The following SLC16A12 variants were observed in gnomAD, a reference collection of about 807,000 sequenced individuals.
SLC16A12 encodes the protein solute carrier family 16 member 12.
Under a neutral mutation model 42.4 loss-of-function variants are expected in SLC16A12, and 17 were observed. That is an observed-to-expected ratio of 0.40 (90% CI 0.27 to 0.60). The LOEUF (loss-of-function observed/expected upper bound fraction) is 0.60. SLC16A12 is among the 20% of genes least tolerant of loss of function. The probability of loss-of-function intolerance (pLI) is 0.42; values close to 1 mark genes in which losing one functional copy is unlikely to be tolerated. For synonymous variants in SLC16A12, 224 were observed against 229.4 expected (o/e 0.98, Z 0.21); for missense variants, 544 against 623.0 (o/e 0.87, Z 1.35).
rs564306331 is a variant in SLC16A12, at chr10:89,528,869, G to A, written c.-47+5632C>T. ...TTTTCCTTCCTCAGGTGATTCTAAT[G>A]TGTAGGTGGGGTTGAGAACCATTGA... On this transcript the variant is annotated intron_variant, in intron 2 of 7. Coordinates refer to ENST00000371790, the MANE Select transcript of SLC16A12 (RefSeq NM_213606.4). Among the ~76,000 whole-genome samples the A allele has an allele frequency of 5.9e-5, 9 of 152,302 alleles. No homozygotes were observed. The East Asian group carries it at 1.7e-3, about 29-fold the overall frequency.
chr10:89,466,952 A>G (rs304429), intron 2 of SLC16A12, among the ~76,000 whole-genome samples: 34,855 of 152,062 alleles, frequency 0.23, 4,712 homozygotes, highest in Non-Finnish European at 0.32. Context: ...CTTTCTCTCA[A>G]TTCCAATAGA....
At chr10:89,455,733 G>A (rs1484697564) in intron 3 of SLC16A12, among the ~76,000 whole-genome samples, 1 of 152,176 alleles carries the variant, frequency 6.6e-6, no homozygotes, top group Non-Finnish European at 1.5e-5. Flanking sequence ...TTACAGTGAA[G>A]CAGGGTCCTG....
At chr10:89,516,132 AGTT>A (rs1423483144) in intron 2 of SLC16A12, among the ~76,000 whole-genome samples, 50 of 152,282 alleles carry the variant, frequency 3.3e-4, no homozygotes, top group African/African-American at 1.2e-3. Flanking sequence ...TACTCTTATT[AGTT>A]ATTTGTTTTC....
At chr10:89,480,160 C>T (rs938855880) in intron 2 of SLC16A12, among the ~76,000 whole-genome samples, 5 of 152,196 alleles carry the variant, frequency 3.3e-5, no homozygotes, top group African/African-American at 1.2e-4. Context: ...CCACTCCACC[C>T]TCAGTTATAC....
chr10:89,506,525 T>TTAACAGAAAATTAACAAA (rs1843064032), intron 2 of SLC16A12, among the ~76,000 whole-genome samples: 1 of 151,722 alleles, frequency 6.6e-6, no homozygotes, highest in African/African-American at 2.4e-5. Context: ...AGGAATAGCA[T>TTAACAGAAAATTAACAAA]CAACATCAAT....
chr10:89,543,586 T>C (rs1289304388), intron 2 of SLC16A12, among the ~76,000 whole-genome samples: 8 of 152,196 alleles, frequency 5.3e-5, no homozygotes, highest in Non-Finnish European at 1.2e-4. Flanking sequence ...CCCAGCACTT[T>C]GGCAGGCCAA....
At chr10:89,458,065 T>C (rs576095845) in intron 3 of SLC16A12, among the ~76,000 whole-genome samples, 13 of 152,306 alleles carry the variant, frequency 8.5e-5, no homozygotes, top group Middle Eastern at 6.8e-3. Context: ...GAGCATAACA[T>C]AGATGTTCTT....
chr10:89,550,771 C>T (rs1843766074), intron 2 of SLC16A12, among the ~76,000 whole-genome samples: 1 of 151,816 alleles, frequency 6.6e-6, no homozygotes, highest in South Asian at 2.1e-4. Context: ...GCTTGCCTTT[C>T]CTCCTGCCTA....
intron 6 of SLC16A12, among the ~76,000 whole-genome samples, chr10:89,436,954 T>C (rs1158628306): frequency 6.7e-6 from 1 of 148,296 alleles, no homozygotes. Flanking sequence ...TGTAAGAAAG[T>C]TTACAAATTT....
At chr10:89,460,134 C>G (rs1842272634) in intron 3 of SLC16A12, among the ~76,000 whole-genome samples, 1 of 152,066 alleles carries the variant, frequency 6.6e-6, no homozygotes. Context: ...CTCAACTACC[C>G]CTAAGATTCC....
intron 2 of SLC16A12, among the ~76,000 whole-genome samples, chr10:89,545,440 T>G (rs1014059073): frequency 5.3e-5 from 8 of 151,350 alleles, no homozygotes; most frequent in African/African-American, 1.9e-4. Context: ...AAGCAGAGAG[T>G]CAAATCATGA....
chr10:89,439,026 G>C lies in SLC16A12; in HGVS notation c.606C>G (p.Ser202=). 1 of 1,614,088 alleles carries C rather than the reference G, an allele frequency of 6.2e-7. No homozygotes were observed. The highest frequency in any genetic ancestry group is 8.5e-7 in the Non-Finnish European group (1 of 1,179,994). The change falls in exon 6 of 8, where the codon TCC becomes TCG. Residue 202 remains serine, a synonymous_variant. Coordinates refer to ENST00000371790, the MANE Select transcript of SLC16A12 (RefSeq NM_213606.4). ...CAAGAATGAGTAAGGCTCCCCGCCA[G>C]GAAAACTGTTCAATAAGGAGCTGAA... ...PVVQLLIEQF[S]WRGALLILGG...
intron 3 of SLC16A12, among the ~76,000 whole-genome samples, chr10:89,447,247 C>T (rs1429290814): frequency 6.6e-6 from 1 of 152,150 alleles, no homozygotes; most frequent in Admixed American, 6.5e-5. Context: ...CAGCTCTGCA[C>T]CAAGCAGACC....
intron 2 of SLC16A12, among the ~76,000 whole-genome samples, chr10:89,549,098 A>G (rs1239814899): frequency 6.6e-6 from 1 of 152,248 alleles, no homozygotes; most frequent in Non-Finnish European, 1.5e-5. Flanking sequence ...AAAAACAGGC[A>G]TAGCCAGCTT....
At chr10:89,525,879 G>C (rs955764470) in intron 2 of SLC16A12, among the ~76,000 whole-genome samples, 2 of 152,138 alleles carry the variant, frequency 1.3e-5, no homozygotes, top group Admixed American at 1.3e-4. Context: ...AGATACGGGG[G>C]AAATGTCTGG....
intron 2 of SLC16A12, among the ~76,000 whole-genome samples, chr10:89,464,647 C>A (rs1842362069): frequency 6.6e-6 from 1 of 152,150 alleles, no homozygotes; most frequent in South Asian, 2.1e-4. Context: ...TAATAAAAAA[C>A]ATTTACTTTA....
upstream of SLC16A12, among the ~76,000 whole-genome samples, chr10:89,536,923 C>T (rs903284037): frequency 2.0e-4 from 30 of 152,064 alleles, no homozygotes; most frequent in East Asian, 9.7e-4. Context: ...CTGCAACCTC[C>T]GCCTCCCTAG....
chr10:89,439,176 T>C lies in SLC16A12; in HGVS notation c.456A>G (p.Gly152=). 6.2e-7 allele frequency: 1 copy of C among 1,613,974 alleles called. No homozygotes were observed. The highest frequency in any genetic ancestry group is 1.1e-5 in the South Asian group (1 of 91,068). Reference sequence around the variant, plus strand: ...TAGCTGGAGAGTAACAAAGTGCAAATCCAAGACCTGAGGATAAAGAGAACT... The same window carrying C: ...TAGCTGGAGAGTAACAAAGTGCAAACCCAAGACCTGAGGATAAAGAGAACT... The part of the protein sequence containing the change: ...YLTLGVLTGL[G]FALCYSPAIA... Residue 152 remains glycine (G), a synonymous_variant, in exon 6 of 8, where the codon GGA becomes GGG. Transcript: ENST00000371790.
At chr10:89,486,639 G>GAAAGAAAGAAAGAAAGA (rs1842753250) in intron 2 of SLC16A12, among the ~76,000 whole-genome samples, 23 of 48,372 alleles carry the variant, frequency 4.8e-4, no homozygotes, top group South Asian at 1.1e-3. Context: ...AAGAAAGAAA[G>GAAAGAAAGAAAGAAAGA]AAAGAAAGAA....
Sources: allele counts gnomAD v4.1 joint callset (sites outside exome capture counted in the v4.1 genomes callset), GRCh38; gene constraint gnomAD v4.1.1; transcripts MANE v1.5; gene names NCBI Gene and HGNC (gene_info 2026-07-23, HGNC 2026-07-21).